The following EPB41L4A variants were observed in gnomAD, a reference collection of about 807,000 sequenced individuals.
EPB41L4A encodes band 4.1-like protein 4A.
EPB41L4A carries 100 observed loss-of-function variants against 108.6 expected under a neutral mutation model. The observed-to-expected ratio is 0.92, with a 90% CI of 0.78 to 1.09. EPB41L4A has a LOEUF of 1.09. EPB41L4A is among the 50% of genes least tolerant of loss of function. EPB41L4A has a pLI of 0.00. For missense variants in EPB41L4A, 1,030 were observed against 842.7 expected (o/e 1.22, Z -2.75); for synonymous variants, 319 against 289.0 (o/e 1.10, Z -1.05).
At chr5:112,304,472 T>C (rs1754564794) in intron 2 of EPB41L4A, among the ~76,000 whole-genome samples, 1 of 152,136 alleles carries the variant, frequency 6.6e-6, no homozygotes, top group African/African-American at 2.4e-5. Context: ...GAACAGAAAA[T>C]AGGCTCTAGC....
At chr5:112,170,165 T>C (rs1337998237) in intron 20 of EPB41L4A, 136 bp downstream of exon 20, 1 of 790,836 alleles carries the variant, frequency 1.3e-6, no homozygotes, top group East Asian at 2.7e-5. Flanking sequence ...TTCTTCCTCT[T>C]TCGCTACTGT....
At chr5:112,236,991 C>T (rs1673330597) in intron 11 of EPB41L4A, among the ~76,000 whole-genome samples, 2 of 152,188 alleles carry the variant, frequency 1.3e-5, no homozygotes, top group Non-Finnish European at 2.9e-5. Flanking sequence ...ATGACAGCTC[C>T]TGTGAGTTGA....
intron 3 of EPB41L4A, among the ~76,000 whole-genome samples, chr5:112,277,153 G>A (rs1010218057): frequency 2.6e-5 from 4 of 152,144 alleles, no homozygotes; most frequent in Non-Finnish European, 5.9e-5. Flanking sequence ...CTGAGCAGAT[G>A]GGTCTGCCTG....
intron 17 of EPB41L4A, chr5:112,192,133 T>C (rs762148015): frequency 6.6e-6 from 1 of 152,294 alleles, no homozygotes; most frequent in Non-Finnish European, 1.5e-5. Context: ...TCCAGACCTA[T>C]GCATCCTCAT....
rs1208724352 is a variant in EPB41L4A at position 112,205,413 on chromosome 5, C to G, written c.1262+8G>C. The G allele has an allele frequency of 4.3e-6, 7 of 1,609,376 alleles. No individual in the cohort carries two copies. Among genetic ancestry groups the G allele is most frequent in the Non-Finnish European group, 5.1e-6 (6 of 1,175,870 alleles). ...TGTCTCCTTTATAAAAACAATGATTCCCTTTACCTCTGGGGGCCATTTTCT... is the reference window on the plus strand; with the variant it reads ...TGTCTCCTTTATAAAAACAATGATTGCCTTTACCTCTGGGGGCCATTTTCT... On this transcript the variant is annotated splice_region_variant and intron_variant, in intron 14 of 22. Transcript: ENST00000261486.
At chr5:112,204,244 A>T (rs538440269) in intron 15 of EPB41L4A, 131 bp downstream of exon 15, 2 of 601,134 alleles carry the variant, frequency 3.3e-6, no homozygotes, top group East Asian at 2.6e-5. Flanking sequence ...TTTTATGTCA[A>T]AAAGAGTAAG....
intron 1 of EPB41L4A, among the ~76,000 whole-genome samples, chr5:112,377,043 A>C (rs1244203082): frequency 2.0e-5 from 3 of 151,956 alleles, no homozygotes; most frequent in Admixed American, 2.0e-4. Flanking sequence ...GTCTCTATAA[A>C]ACATAAAAAA....
intron 1 of EPB41L4A, among the ~76,000 whole-genome samples, chr5:112,309,049 TTCTAAA>T (rs1754879875): frequency 6.6e-6 from 1 of 152,188 alleles, no homozygotes; most frequent in Non-Finnish European, 1.5e-5. Context: ...TCCTAAGTAC[TTCTAAA>T]TACTTGTAGA....
intron 12 of EPB41L4A, among the ~76,000 whole-genome samples, chr5:112,232,110 T>C: frequency 1.5e-5 from 2 of 134,694 alleles, no homozygotes; most frequent in African/African-American, 2.8e-5. Flanking sequence ...TGAAACCTTG[T>C]CTCAAAAAAA....
intron 1 of EPB41L4A, among the ~76,000 whole-genome samples, chr5:112,384,302 T>C (rs958018740): frequency 2.0e-5 from 3 of 152,210 alleles, no homozygotes; most frequent in African/African-American, 7.2e-5. Flanking sequence ...TAGATGACTA[T>C]TCTGAAAAGG....
rs147661358 is a variant in EPB41L4A, at chr5:112,204,591, G to A, written c.1263-103C>T. ...TAACTGCACAGCTGGTACTTCCAGA[G>A]GCACATGCACCAGGGGCACGTGGTT... On this transcript the variant is annotated intron_variant, in intron 14 of 22. Coordinates refer to ENST00000261486, the MANE Select transcript of EPB41L4A (RefSeq NM_022140.5). The A allele has an allele frequency of 1.5e-4, 100 of 656,902 alleles. 1 individual carries two copies. In the Middle Eastern group the frequency reaches 2.1e-3, roughly 13 times the overall value. The allele number at this position is 656,902 out of a possible 1,614,324, so 40.7% of individuals were successfully genotyped here.
intron 1 of EPB41L4A, among the ~76,000 whole-genome samples, chr5:112,397,169 A>G (rs894330959): frequency 1.3e-5 from 2 of 152,160 alleles, no homozygotes; most frequent in African/African-American, 4.8e-5. Flanking sequence ...GCTCCCACTT[A>G]TAAGTGAGAA....
intron 12 of EPB41L4A, among the ~76,000 whole-genome samples, chr5:112,156,419 C>T (rs1561432930): frequency 1.3e-5 from 2 of 151,502 alleles, no homozygotes; most frequent in Admixed American, 1.3e-4. Context: ...GGCCTGAGAA[C>T]CAGGAGAACT....
chr5:112,162,018 A>G (rs1759939045), downstream of EPB41L4A: 1 of 152,332 alleles, frequency 6.6e-6, no homozygotes, highest in Non-Finnish European at 1.5e-5. Flanking sequence ...GCATCTCTTT[A>G]AGATTTGTTT....
chr5:112,294,987 G>A (rs1010637048), intron 2 of EPB41L4A, among the ~76,000 whole-genome samples: 1 of 152,142 alleles, frequency 6.6e-6, no homozygotes, highest in Non-Finnish European at 1.5e-5. Context: ...ACCAAAGACA[G>A]GACAGCCAGT....
At chr5:112,273,534 A>C (rs1314800658) in intron 4 of EPB41L4A, among the ~76,000 whole-genome samples, 1 of 152,222 alleles carries the variant, frequency 6.6e-6, no homozygotes, top group Non-Finnish European at 1.5e-5. Flanking sequence ...ATACATCTAG[A>C]AAAAGGATAG....
intron 12 of EPB41L4A, among the ~76,000 whole-genome samples, chr5:112,224,916 C>T (rs1227714032): frequency 6.6e-6 from 1 of 152,202 alleles, no homozygotes; most frequent in Non-Finnish European, 1.5e-5. Context: ...TATAACAATT[C>T]TAGGTCAGAA....
chr5:112,157,108 A>G (rs555782417), intron 12 of EPB41L4A, among the ~76,000 whole-genome samples: 1 of 152,018 alleles, frequency 6.6e-6, no homozygotes, highest in African/African-American at 2.4e-5. Flanking sequence ...ATAGACCAGT[A>G]GGACAGAATA....
intron 1 of EPB41L4A, among the ~76,000 whole-genome samples, chr5:112,346,506 G>T (rs1346278892): frequency 1.3e-5 from 2 of 152,096 alleles, no homozygotes; most frequent in Admixed American, 6.5e-5. Context: ...ACAGGCATGA[G>T]CCACTGCGCC....
Sources: allele counts gnomAD v4.1 joint callset (sites outside exome capture counted in the v4.1 genomes callset), GRCh38; gene constraint gnomAD v4.1.1; transcripts MANE v1.5; gene names NCBI Gene and HGNC (gene_info 2026-07-23, HGNC 2026-07-21).